Variants in CNIH3 observed in about 807,000 individuals in gnomAD.
CNIH3 encodes protein cornichon homolog 3.
A neutral mutation model predicts 24.1 loss-of-function variants in CNIH3; 14 were observed. The observed-to-expected ratio is 0.58, with a 90% CI of 0.38 to 0.91. The LOEUF (loss-of-function observed/expected upper bound fraction) is 0.91, where lower values mean the gene tolerates loss of function less well. Among genes scored for constraint, CNIH3 ranks in the 40% least tolerant of loss-of-function variants. The pLI is 0.00. For synonymous variants in CNIH3, 68 were observed against 73.8 expected (o/e 0.92, Z 0.40); for missense variants, 178 against 196.8 (o/e 0.90, Z 0.57).
chr1:224,598,266 A>C (rs1481181300), intron 3 of CNIH3, among the ~76,000 whole-genome samples: 1 of 152,224 alleles, frequency 6.6e-6, no homozygotes, highest in East Asian at 1.9e-4. Flanking sequence ...GACAACTAGA[A>C]TCAGAAGCGG....
At chr1:224,563,134 T>C (rs1021300448) in intron 3 of CNIH3, among the ~76,000 whole-genome samples, 10 of 151,796 alleles carry the variant, frequency 6.6e-5, no homozygotes, top group African/African-American at 2.4e-4. Context: ...GCATCATTAC[T>C]CACTATTATT....
Position 224,684,775 on chromosome 1 carries a change from C to T in CNIH3, c.151-21C>T, listed in dbSNP as rs759474269. The T allele has an allele frequency of 7.4e-6, 12 of 1,612,468 alleles. No homozygotes were observed. The highest frequency in any genetic ancestry group is 9.3e-6 in the Non-Finnish European group (11 of 1,178,626). ...GAACCCCTAACCTCCCCTCTCATTTCTTTCTTGTGCATCCTGATAGAGGGA... is the reference window on the plus strand; with the variant it reads ...GAACCCCTAACCTCCCCTCTCATTTTTTTCTTGTGCATCCTGATAGAGGGA... On this transcript the variant is annotated intron_variant, in intron 2 of 5. Transcript: ENST00000272133. This position sits in a 1 kb window ranked among gnomAD's most constrained non-coding sequence, Gnocchi z 4.2.
chr1:224,614,722 G>A (rs1682860846), upstream of CNIH3, among the ~76,000 whole-genome samples: 1 of 152,018 alleles, frequency 6.6e-6, no homozygotes, highest in Non-Finnish European at 1.5e-5. Flanking sequence ...GCCGAGGTGG[G>A]TAGATCACGA....
intron 5 of CNIH3, among the ~76,000 whole-genome samples, chr1:224,736,933 C>T (rs947162806): frequency 1.3e-5 from 2 of 152,204 alleles, no homozygotes; most frequent in African/African-American, 4.8e-5. Flanking sequence ...GTGCTCAACC[C>T]TGCTTTCTTT....
At chr1:224,592,539 G>A (rs1030440869), downstream of CNIH3, among the ~76,000 whole-genome samples, 4 of 152,164 alleles carry the variant, frequency 2.6e-5, no homozygotes, top group Non-Finnish European at 5.9e-5. Context: ...TGGCACACCC[G>A]CTCGTGGCTG....
intron 4 of CNIH3, among the ~76,000 whole-genome samples, chr1:224,581,761 A>G (rs1486252146): frequency 6.6e-5 from 10 of 152,168 alleles, no homozygotes. Context: ...TCGGAAGATG[A>G]TTTAAGGTCA....
downstream of CNIH3, among the ~76,000 whole-genome samples, chr1:224,541,441 A>G (rs1679508158): frequency 6.6e-6 from 1 of 152,196 alleles, no homozygotes; most frequent in Non-Finnish European, 1.5e-5. Context: ...AAAATGGGAC[A>G]TTTTCTTCTG....
chr1:224,695,235 A>C (rs1687106043), intron 3 of CNIH3, among the ~76,000 whole-genome samples: 1 of 152,184 alleles, frequency 6.6e-6, no homozygotes, highest in African/African-American at 2.4e-5. Context: ...GTCGGCTTTC[A>C]GACTTCAACC....
chr1:224,697,950 G>A (rs1687261757), intron 3 of CNIH3, among the ~76,000 whole-genome samples: 2 of 152,222 alleles, frequency 1.3e-5, no homozygotes, highest in Admixed American at 1.3e-4. Context: ...CCCAGCTTGT[G>A]CTGAATTAAT....
At chr1:224,457,512 T>TA (rs34276525) in intron 1 of CNIH3, among the ~76,000 whole-genome samples, 6 of 71,062 alleles carry the variant, frequency 8.4e-5, no homozygotes, top group Admixed American at 5.7e-4. Flanking sequence ...GGTCTGGGGA[T>TA]TTTTTTTTTT....
chr1:224,695,357 A>AACACACACACAC (rs56245587), intron 3 of CNIH3, among the ~76,000 whole-genome samples: 1 of 145,740 alleles, frequency 6.9e-6, no homozygotes, highest in African/African-American at 2.6e-5. Flanking sequence ...TCTCTTTCTA[A>AACACACACACAC]ACACACACAC....
upstream of CNIH3, among the ~76,000 whole-genome samples, chr1:224,512,814 T>TA (rs1180834716): frequency 6.6e-6 from 1 of 152,092 alleles, no homozygotes; most frequent in Non-Finnish European, 1.5e-5. Context: ...TGGGTGGGTG[T>TA]AGTTTATCTT....
chr1:224,647,621 G>A (rs1321953259), intron 1 of CNIH3, among the ~76,000 whole-genome samples: 1 of 152,238 alleles, frequency 6.6e-6, no homozygotes, highest in East Asian at 1.9e-4. Flanking sequence ...GGGCCCTGTG[G>A]AGAAAGTGAA....
At chr1:224,695,464 TCAG>T (rs1469811914) in intron 3 of CNIH3, among the ~76,000 whole-genome samples, 3 of 152,078 alleles carry the variant, frequency 2.0e-5, no homozygotes, top group Non-Finnish European at 4.4e-5. Flanking sequence ...AAGTTCAGGT[TCAG>T]CAGGTTTACA....
chr1:224,677,870 C>T (rs1364979928), intron 1 of CNIH3, among the ~76,000 whole-genome samples: 1 of 152,198 alleles, frequency 6.6e-6, no homozygotes, highest in Non-Finnish European at 1.5e-5. Context: ...ATATGTGGGG[C>T]ACTAACAGTT....
At chr1:224,620,669 A>G (rs904355260) in intron 1 of CNIH3, among the ~76,000 whole-genome samples, 2 of 152,178 alleles carry the variant, frequency 1.3e-5, no homozygotes, top group Non-Finnish European at 2.9e-5. Flanking sequence ...ATCATCAGTA[A>G]TCTTATCCAG....
intron 3 of CNIH3, among the ~76,000 whole-genome samples, chr1:224,725,490 G>A (rs1343717743): frequency 6.6e-6 from 1 of 152,206 alleles, no homozygotes; most frequent in Non-Finnish European, 1.5e-5. Flanking sequence ...CAGCTGTAAA[G>A]CTTGTTGTCT....
chr1:224,664,119 T>C (rs1264830459), intron 1 of CNIH3, among the ~76,000 whole-genome samples: 4 of 152,216 alleles, frequency 2.6e-5, no homozygotes, highest in Non-Finnish European at 4.4e-5. Context: ...TGGGGGTTTA[T>C]ATAGTGGGGA....
downstream of CNIH3, among the ~76,000 whole-genome samples, chr1:224,592,356 CAT>C (rs61087874): frequency 0.021 from 3,221 of 152,118 alleles, 96 homozygotes; most frequent in African/African-American, 0.071. Context: ...ACTCTCAGGA[CAT>C]ATTGAAGTCA....
Sources: gnomAD v4.1 joint callset for allele counts (sites outside exome capture counted in the v4.1 genomes callset) on GRCh38, gnomAD v4.1.1 for gene constraint, Gnocchi (gnomAD v3.1) non-coding constraint, MANE v1.5 for transcripts, NCBI Gene and HGNC (gene_info 2026-07-23, HGNC 2026-07-21) for gene names.